Variants in TNNI3K observed in about 807,000 individuals in gnomAD.
The protein encoded by TNNI3K is TNNI3 interacting kinase, also known as serine/threonine-protein kinase TNNI3K.
Under a neutral mutation model 114.5 loss-of-function variants are expected in TNNI3K, and 140 were observed. The ratio of observed to expected loss-of-function variants is 1.22; its 90% confidence interval spans 1.07 to 1.41. TNNI3K has a LOEUF of 1.41. TNNI3K is among the 40% of genes most tolerant of loss of function. The pLI is 0.00. For missense variants in TNNI3K, 1,125 were observed against 1,007.6 expected, an observed-to-expected ratio of 1.12 and a Z score of -1.58; for synonymous variants, 347 against 347.5, an observed-to-expected ratio of 1.00 and a Z score of 0.02.
intron 23 of TNNI3K, among the ~76,000 whole-genome samples, chr1:74,492,546 G>T (rs1489672089): frequency 2.6e-5 from 4 of 152,156 alleles, no homozygotes; most frequent in African/African-American, 9.7e-5. Flanking sequence ...GTATTCTGAA[G>T]CTATTTTATG....
intron 1 of TNNI3K, among the ~76,000 whole-genome samples, chr1:74,235,773 T>A (rs1048273859): frequency 6.6e-6 from 1 of 151,378 alleles, no homozygotes; most frequent in African/African-American, 2.4e-5. Flanking sequence ...TAGAATTATA[T>A]CTTAAGTATC....
chr1:74,409,364 CTTTT>C (rs913512002), intron 17 of TNNI3K, among the ~76,000 whole-genome samples: 2 of 151,846 alleles, frequency 1.3e-5, no homozygotes, highest in Admixed American at 1.3e-4. Flanking sequence ...ACCTTGCTAC[CTTTT>C]TTTGAGGTTA....
chr1:74,367,828 G>C (rs532548831), intron 12 of TNNI3K, 80 bp from the exon 13 acceptor site: 9 of 1,361,632 alleles, frequency 6.6e-6, no homozygotes, highest in Non-Finnish European at 8.0e-6. Context: ...TTCGTCACCT[G>C]CTTATTTTTA....
intron 21 of TNNI3K, among the ~76,000 whole-genome samples, chr1:74,465,765 G>A (rs545942856): frequency 5.3e-4 from 81 of 152,306 alleles, no homozygotes; most frequent in African/African-American, 1.9e-3. Flanking sequence ...TATCTAGAGG[G>A]TTGTAAATGC....
intron 21 of TNNI3K, chr1:74,475,938 A>C: frequency 2.2e-6 from 1 of 451,784 alleles, no homozygotes; most frequent in Non-Finnish European, 3.9e-6. Flanking sequence ...GAAGTCCTTC[A>C]CCATTTGGAA....
intron 24 of TNNI3K, among the ~76,000 whole-genome samples, chr1:74,540,975 C>T (rs992839367): frequency 5.9e-5 from 9 of 152,226 alleles, no homozygotes; most frequent in South Asian, 4.1e-4. Context: ...TCATCAGCTG[C>T]GATATCAATG....
chr1:74,355,142 T>A (rs1185172035), intron 11 of TNNI3K, among the ~76,000 whole-genome samples: 1 of 152,200 alleles, frequency 6.6e-6, no homozygotes. Context: ...ATTTTAATTG[T>A]TATTTTAACT....
chr1:74,353,882 G>C, intron 10 of TNNI3K, 98 bp from the exon 11 acceptor site: 1 of 1,432,094 alleles, frequency 7.0e-7, no homozygotes, highest in South Asian at 1.4e-5. Context: ...TCATACCTTT[G>C]GAAATAATGC....
At chr1:74,530,121 T>C (rs777328117) in intron 23 of TNNI3K, among the ~76,000 whole-genome samples, 65 of 152,176 alleles carry the variant, frequency 4.3e-4, no homozygotes, top group Non-Finnish European at 7.9e-4. Flanking sequence ...TGAGCCACTG[T>C]GCCAGCCGTT....
rs527973859 is a variant in TNNI3K, at chr1:74,271,081, A to G, written c.334-517A>G. ...ATTAATTGTGCCTAGATTTAATGATATTATTTATTAGTAAGAAGAAATTAC... is the reference window on the plus strand; with the variant it reads ...ATTAATTGTGCCTAGATTTAATGATGTTATTTATTAGTAAGAAGAAATTAC... On this transcript the variant is annotated intron_variant, in intron 4 of 24. Coordinates refer to ENST00000326637, the MANE Select transcript of TNNI3K (RefSeq NM_015978.3). Among the ~76,000 whole-genome samples, 12 of 830 alleles carry G rather than the reference A, an allele frequency of 0.014. No homozygotes were observed. In the South Asian group the frequency reaches 0.46, roughly 32 times the overall value. 0.5% of individuals were successfully genotyped at this position (830 alleles called of 152,430 possible).
chr1:74,530,030 T>C (rs1021409728), intron 23 of TNNI3K, among the ~76,000 whole-genome samples: 2 of 152,172 alleles, frequency 1.3e-5, no homozygotes, highest in Non-Finnish European at 2.9e-5. Flanking sequence ...AGTGGTAGGA[T>C]CACAGCTCAC....
chr1:74,461,207 A>G (rs1407289713), intron 20 of TNNI3K, among the ~76,000 whole-genome samples: 1 of 152,152 alleles, frequency 6.6e-6, no homozygotes, highest in African/African-American at 2.4e-5. Flanking sequence ...GTGGCCCAGC[A>G]TGGTGCCTCA....
At chr1:74,457,095 C>T (rs1023572458) in intron 20 of TNNI3K, among the ~76,000 whole-genome samples, 100 of 152,232 alleles carry the variant, frequency 6.6e-4, no homozygotes, top group African/African-American at 2.3e-3. Flanking sequence ...TGTTCTTTGA[C>T]AAGCGGCAGG....
At chr1:74,472,302 T>C (rs530014555) in intron 21 of TNNI3K, 122 of 626,290 alleles carry the variant, frequency 1.9e-4, no homozygotes, top group African/African-American at 1.8e-3. Context: ...AACTGACTCC[T>C]CTGATAATTG....
chr1:74,235,492 G>C lies in TNNI3K; in HGVS notation c.40+1G>C. ...TCTAGACCAACCCAAACTTGTACTG[G>C]TAATTATTCTAATTATTCTTATTTC... is the stretch of plus-strand genomic sequence containing the variant. On this transcript the variant is annotated splice_donor_variant, in intron 1 of 24. Transcript: ENST00000326637. LOFTEE classifies it high-confidence loss of function. 1 of 1,407,702 alleles carries C rather than the reference G, an allele frequency of 7.1e-7. No homozygotes were observed. Among genetic ancestry groups the C allele is most frequent in the Non-Finnish European group, 9.9e-7 (1 of 1,014,254 alleles). 87.2% of individuals were successfully genotyped at this position (1,407,702 alleles called of 1,614,324 possible).
chr1:74,491,020 T>G (rs1669043757), intron 22 of TNNI3K, among the ~76,000 whole-genome samples: 1 of 152,172 alleles, frequency 6.6e-6, no homozygotes, highest in South Asian at 2.1e-4. Flanking sequence ...ATATGATTAG[T>G]CTTGTTCTGA....
chr1:74,289,071 AT>A (rs1326853157), intron 5 of TNNI3K, among the ~76,000 whole-genome samples: 2 of 144,428 alleles, frequency 1.4e-5, no homozygotes, highest in Admixed American at 1.4e-4. Flanking sequence ...CAGAAAAAAA[AT>A]AAATATTAAA....
At chr1:74,354,428 C>T (rs1373787151) in intron 11 of TNNI3K, among the ~76,000 whole-genome samples, 6 of 151,084 alleles carry the variant, frequency 4.0e-5, no homozygotes, top group Non-Finnish European at 7.4e-5. Context: ...GTAGAGTGGG[C>T]TCAGAGCTAG....
intron 2 of TNNI3K, among the ~76,000 whole-genome samples, chr1:74,243,346 G>A (rs1252946940): frequency 6.6e-6 from 1 of 152,092 alleles, no homozygotes; most frequent in Non-Finnish European, 1.5e-5. Context: ...GGAGGGCATG[G>A]GGCAGGGAAG....
Sources: allele counts gnomAD v4.1 joint callset (sites outside exome capture counted in the v4.1 genomes callset), GRCh38; gene constraint gnomAD v4.1.1; transcripts MANE v1.5; gene names NCBI Gene and HGNC (gene_info 2026-07-23, HGNC 2026-07-21).